AUTS2: variants seen among roughly 807,000 people sequenced by gnomAD.
AUTS2 encodes the protein activator of transcription and developmental regulator AUTS2, also known as autism susceptibility gene 2 protein.
A neutral mutation model predicts 112.4 loss-of-function variants in AUTS2; 17 were observed. That is an observed-to-expected ratio of 0.15 (90% confidence interval 0.10 to 0.23). AUTS2 has a LOEUF of 0.23. AUTS2 is among the 10% of genes least tolerant of loss of function. The pLI is 1.00. For missense variants in AUTS2, 1,510 were observed against 1,701.6 expected (o/e 0.89, Z 1.98); for synonymous variants, 751 against 702.7 (o/e 1.07, Z -1.09).
intron 4 of AUTS2, among the ~76,000 whole-genome samples, chr7:70,372,421 A>G (rs1034915847): frequency 1.3e-5 from 2 of 152,206 alleles, no homozygotes; most frequent in Admixed American, 1.3e-4. Flanking sequence ...TCTTCCTCTC[A>G]AAAACAAACT....
chr7:70,413,864 G>A (rs1048347968), intron 4 of AUTS2, among the ~76,000 whole-genome samples: 7 of 151,910 alleles, frequency 4.6e-5, no homozygotes, highest in Non-Finnish European at 5.9e-5. Flanking sequence ...TTGTAGAGAC[G>A]GGATTTCACC....
chr7:70,678,106 A>G (rs1269483805), intron 5 of AUTS2, among the ~76,000 whole-genome samples: 1 of 151,978 alleles, frequency 6.6e-6, no homozygotes, highest in East Asian at 1.9e-4. Flanking sequence ...AATAATAATA[A>G]TAATAATTTT....
At chr7:70,709,580 A>C (rs996593647) in intron 6 of AUTS2, among the ~76,000 whole-genome samples, 1 of 152,116 alleles carries the variant, frequency 6.6e-6, no homozygotes, top group Non-Finnish European at 1.5e-5. Flanking sequence ...GCATGGTGGC[A>C]CACGCCTGTA....
At chr7:69,966,320 A>G (rs1345128503) in intron 2 of AUTS2, among the ~76,000 whole-genome samples, 2 of 152,160 alleles carry the variant, frequency 1.3e-5, no homozygotes, top group African/African-American at 4.8e-5. Context: ...GAGCCCCCAC[A>G]TACCTTTTGA....
At chr7:70,025,777 C>CTT (rs34107096) in intron 2 of AUTS2, among the ~76,000 whole-genome samples, 10,397 of 126,512 alleles carry the variant, frequency 0.082, 1,035 homozygotes, top group African/African-American at 0.23. Context: ...TTTTACTAAG[C>CTT]TTTTTTTTTT....
intron 2 of AUTS2, among the ~76,000 whole-genome samples, chr7:70,057,593 A>G (rs1001711779): frequency 6.6e-6 from 1 of 152,168 alleles, no homozygotes; most frequent in Admixed American, 6.5e-5. Context: ...AAGTTTTTTC[A>G]TTCCCATTTT....
chr7:69,850,931 A>G (rs1425889416), intron 1 of AUTS2, among the ~76,000 whole-genome samples: 2 of 152,210 alleles, frequency 1.3e-5, no homozygotes, highest in African/African-American at 4.8e-5. Flanking sequence ...CCAAACCCAT[A>G]GGTCCTGAAG....
intron 1 of AUTS2, among the ~76,000 whole-genome samples, chr7:69,673,093 T>C (rs1289058754): frequency 2.0e-5 from 3 of 152,250 alleles, no homozygotes; most frequent in African/African-American, 4.8e-5. Context: ...ATTTAGCTTA[T>C]GCCCTTTTTC....
intron 4 of AUTS2, among the ~76,000 whole-genome samples, chr7:70,275,984 G>A (rs1443906930): frequency 1.3e-5 from 2 of 152,150 alleles, no homozygotes; most frequent in Non-Finnish European, 2.9e-5. Flanking sequence ...TTTATTACCT[G>A]AGAAAATTTC....
At chr7:70,015,978 A>G (rs1389353257) in intron 2 of AUTS2, among the ~76,000 whole-genome samples, 1 of 152,096 alleles carries the variant, frequency 6.6e-6, no homozygotes, top group African/African-American at 2.4e-5. Context: ...CTATGTTTCT[A>G]GTAATTGCTG....
At chr7:69,691,461 A>G (rs1173070738) in intron 1 of AUTS2, among the ~76,000 whole-genome samples, 3 of 152,120 alleles carry the variant, frequency 2.0e-5, no homozygotes, top group Non-Finnish European at 4.4e-5. Context: ...GTTTGCAGCC[A>G]AAGTCCAGAG....
At chr7:70,291,720 G>A (rs894502410) in intron 4 of AUTS2, 2 of 152,180 alleles carry the variant, frequency 1.3e-5, no homozygotes, top group African/African-American at 4.8e-5. Flanking sequence ...CATTCTTCAG[G>A]TGATGTGGTT....
intron 1 of AUTS2, among the ~76,000 whole-genome samples, chr7:69,614,853 C>A (rs1230478405): frequency 1.3e-5 from 2 of 152,164 alleles, no homozygotes; most frequent in Non-Finnish European, 2.9e-5. Context: ...ACAGTCTTGC[C>A]TTTCTCTCTC....
At chr7:70,484,306 C>T (rs1375270147) in intron 5 of AUTS2, among the ~76,000 whole-genome samples, 9 of 152,144 alleles carry the variant, frequency 5.9e-5, no homozygotes, top group Non-Finnish European at 1.3e-4. Context: ...CTCTACTTAC[C>T]CTCGGGCCCA....
At chr7:70,346,006 C>T (rs1161582661) in intron 4 of AUTS2, among the ~76,000 whole-genome samples, 2 of 151,974 alleles carry the variant, frequency 1.3e-5, no homozygotes. Flanking sequence ...CTGGTATATT[C>T]TCAAAAGGAT....
At chr7:70,708,366 T>C (rs1809852008) in intron 6 of AUTS2, among the ~76,000 whole-genome samples, 1 of 152,154 alleles carries the variant, frequency 6.6e-6, no homozygotes, top group Non-Finnish European at 1.5e-5. Flanking sequence ...GTTAAAGAAA[T>C]GACATCAGTG....
chr7:70,385,834 G>A (rs1005969105), intron 4 of AUTS2, among the ~76,000 whole-genome samples: 1 of 152,206 alleles, frequency 6.6e-6, no homozygotes, highest in Non-Finnish European at 1.5e-5. Flanking sequence ...GTCTGGCACA[G>A]AATGGTGATT....
At chr7:70,720,659 CTCTT>C (rs1415724888) in intron 6 of AUTS2, among the ~76,000 whole-genome samples, 3 of 152,196 alleles carry the variant, frequency 2.0e-5, no homozygotes, top group South Asian at 2.1e-4. Context: ...GGTCCCTTCT[CTCTT>C]TCTTTGTCAC....
chr7:69,704,423 G>A (rs1354691848), intron 1 of AUTS2, among the ~76,000 whole-genome samples: 16 of 151,920 alleles, frequency 1.1e-4, no homozygotes, highest in Admixed American at 2.0e-4. Context: ...GATTACAGGC[G>A]CCTGCCACCA....
Sources: allele counts gnomAD v4.1 joint callset (sites outside exome capture counted in the v4.1 genomes callset), GRCh38; gene constraint gnomAD v4.1.1; transcripts MANE v1.5; gene names NCBI Gene and HGNC (gene_info 2026-07-23, HGNC 2026-07-21).